Variants in LRRC4C observed in about 807,000 individuals in gnomAD.
LRRC4C encodes leucine rich repeat containing 4C.
LRRC4C carries 5 observed loss-of-function variants against 33.6 expected under a neutral mutation model. That is an observed-to-expected ratio of 0.15 (90% CI 0.08 to 0.31). LRRC4C has a LOEUF of 0.31. Ranked by LOEUF, LRRC4C falls within the 10% of genes least tolerant of loss-of-function variation. The probability of loss-of-function intolerance (pLI) is 1.00; values close to 1 mark genes in which losing one functional copy is unlikely to be tolerated. For missense variants in LRRC4C, 560 were observed against 796.7 expected (o/e 0.70, Z 3.58); for synonymous variants, 329 against 302.0 (o/e 1.09, Z -0.93).
chr11:40,860,930 G>T (rs1420784751), intron 2 of LRRC4C, among the ~76,000 whole-genome samples: 2 of 149,690 alleles, frequency 1.3e-5, no homozygotes, highest in African/African-American at 2.5e-5. Flanking sequence ...ATTGGACAAC[G>T]TTGTAAAGAT....
rs185735292 is a variant in LRRC4C at position 40,603,710 on chromosome 11, C to A, written c.-270+44432G>T. Among the ~76,000 whole-genome samples the A allele has an allele frequency of 5.9e-5, 9 of 152,216 alleles. No homozygotes were observed. The East Asian group carries it at 1.7e-3, about 29-fold the overall frequency. ...TATTCACTTTGCAACGCAGAGGAGA[C>A]CCTTAAGGCCTTACTAAGAGCCAAT... On this transcript the variant is annotated intron_variant, in intron 3 of 6. Coordinates refer to ENST00000528697, the MANE Select transcript of LRRC4C (RefSeq NM_001258419.2).
At chr11:40,288,314 T>G (rs904633493) in intron 4 of LRRC4C, among the ~76,000 whole-genome samples, 2 of 152,230 alleles carry the variant, frequency 1.3e-5, no homozygotes, top group Non-Finnish European at 2.9e-5. Flanking sequence ...ATTTCCATCT[T>G]TTCTTAAGGT....
rs560217884 is a variant in LRRC4C at position 40,990,659 on chromosome 11, TATA to T, written c.-495-56939_-495-56937del. On this transcript the variant is annotated intron_variant, in intron 1 of 6. Coordinates refer to ENST00000528697, the MANE Select transcript of LRRC4C (RefSeq NM_001258419.2). Reference sequence around the variant, plus strand: ...ATTGCGTTGACATTCTCAATGATGATATAATAGAGCAGTGGTAGATAAAACTGA... The same window carrying T: ...ATTGCGTTGACATTCTCAATGATGATATAGAGCAGTGGTAGATAAAACTGA... Among the ~76,000 whole-genome samples, 18 of 152,278 alleles carry T rather than the reference TATA, an allele frequency of 1.2e-4. No homozygotes were observed. In the South Asian group the frequency reaches 3.5e-3, roughly 30 times the overall value.
intron 1 of LRRC4C, among the ~76,000 whole-genome samples, chr11:41,445,153 C>A (rs1462624467): frequency 6.6e-6 from 1 of 152,132 alleles, no homozygotes; most frequent in Admixed American, 6.6e-5. Flanking sequence ...TAAACTGTAC[C>A]TCAAAACTAG....
intron 5 of LRRC4C, among the ~76,000 whole-genome samples, chr11:40,152,886 T>C (rs970211924): frequency 2.0e-5 from 3 of 152,176 alleles, no homozygotes; most frequent in Non-Finnish European, 4.4e-5. Context: ...GGGCATATTA[T>C]ATTGGGAGTT....
chr11:41,116,517 A>T (rs1942135748), intron 1 of LRRC4C, among the ~76,000 whole-genome samples: 1 of 152,154 alleles, frequency 6.6e-6, no homozygotes, highest in Non-Finnish European at 1.5e-5. Context: ...TGGTGGAAAG[A>T]GCAAAATACA....
intron 3 of LRRC4C, among the ~76,000 whole-genome samples, chr11:40,605,500 C>T (rs1202314272): frequency 1.3e-5 from 2 of 152,100 alleles, no homozygotes; most frequent in Admixed American, 6.5e-5. Flanking sequence ...CAGAACCAGC[C>T]ACATCAAAGT....
intron 1 of LRRC4C, among the ~76,000 whole-genome samples, chr11:41,329,034 T>G (rs780972453): frequency 2.0e-5 from 3 of 152,192 alleles, no homozygotes; most frequent in Admixed American, 6.5e-5. Flanking sequence ...AAAAATAGTA[T>G]GTGTTTCTGG....
At chr11:40,667,011 C>T (rs1212787992) in intron 2 of LRRC4C, among the ~76,000 whole-genome samples, 1 of 152,098 alleles carries the variant, frequency 6.6e-6, no homozygotes, top group Non-Finnish European at 1.5e-5. Context: ...TCCTTCAGAA[C>T]AAAATATTTT....
chr11:41,377,506 G>A (rs1488446982), intron 1 of LRRC4C, among the ~76,000 whole-genome samples: 2 of 152,162 alleles, frequency 1.3e-5, no homozygotes, highest in East Asian at 1.9e-4. Flanking sequence ...AAAAAACAAC[G>A]ATAACCGATA....
intron 2 of LRRC4C, among the ~76,000 whole-genome samples, chr11:40,772,505 A>T (rs549827130): frequency 6.6e-6 from 1 of 152,328 alleles, no homozygotes; most frequent in Admixed American, 6.5e-5. Flanking sequence ...TAGAAAATTA[A>T]AAGATCTAAC....
chr11:41,278,994 C>T (rs1047811451), intron 1 of LRRC4C, among the ~76,000 whole-genome samples: 14 of 152,114 alleles, frequency 9.2e-5, no homozygotes, highest in Non-Finnish European at 2.1e-4. Context: ...CCTCCCTGTT[C>T]TAGTCATCCC....
intron 2 of LRRC4C, among the ~76,000 whole-genome samples, chr11:40,687,278 A>G (rs1365738232): frequency 2.0e-5 from 3 of 152,098 alleles, no homozygotes; most frequent in Non-Finnish European, 4.4e-5. Flanking sequence ...TTACCTTCCC[A>G]AATATACCTT....
chr11:41,456,385 T>C (rs1956171995), intron 1 of LRRC4C, among the ~76,000 whole-genome samples: 2 of 152,078 alleles, frequency 1.3e-5, no homozygotes, highest in South Asian at 4.1e-4. Flanking sequence ...GCTTTTTTTT[T>C]TTAAAGGTTC....
chr11:40,459,728 C>T (rs906620562), intron 3 of LRRC4C, among the ~76,000 whole-genome samples: 1 of 152,132 alleles, frequency 6.6e-6, no homozygotes, highest in African/African-American at 2.4e-5. Flanking sequence ...ATTTGGGAGT[C>T]TGAATTTGGG....
intron 2 of LRRC4C, among the ~76,000 whole-genome samples, chr11:40,880,159 C>G (rs1955097251): frequency 6.6e-6 from 1 of 152,022 alleles, no homozygotes; most frequent in Admixed American, 6.6e-5. Flanking sequence ...GCCTGCCAGA[C>G]CTGAGAGGGG....
intron 4 of LRRC4C, among the ~76,000 whole-genome samples, chr11:40,276,940 G>T (rs2136403153): frequency 6.6e-6 from 1 of 152,132 alleles, no homozygotes; most frequent in East Asian, 1.9e-4. Flanking sequence ...CATGGGAAAG[G>T]TGGCAATGAC....
At chr11:40,947,659 T>C (rs1958466030) in intron 1 of LRRC4C, among the ~76,000 whole-genome samples, 1 of 152,168 alleles carries the variant, frequency 6.6e-6, no homozygotes, top group Non-Finnish European at 1.5e-5. Context: ...AAGGAACGTG[T>C]ACAGATCTCT....
chr11:41,071,391 A>G (rs966716036), intron 1 of LRRC4C, among the ~76,000 whole-genome samples: 7 of 152,134 alleles, frequency 4.6e-5, no homozygotes, highest in African/African-American at 1.4e-4. Flanking sequence ...CATTCTGCAC[A>G]TGTGTCCCGG....
Sources: gnomAD v4.1 joint callset for allele counts (sites outside exome capture counted in the v4.1 genomes callset) on GRCh38, gnomAD v4.1.1 for gene constraint, MANE v1.5 for transcripts, NCBI Gene and HGNC (gene_info 2026-07-23, HGNC 2026-07-21) for gene names.